The following MCF2L2 variants were observed in gnomAD, a reference collection of about 807,000 sequenced individuals.
MCF2L2 encodes probable guanine nucleotide exchange factor MCF2L2.
A neutral mutation model predicts 150.2 loss-of-function variants in MCF2L2; 102 were observed. That is an observed-to-expected ratio of 0.68 (90% CI 0.58 to 0.80). The LOEUF (loss-of-function observed/expected upper bound fraction) is 0.80, where lower values mean the gene tolerates loss of function less well. MCF2L2 is among the 30% of genes least tolerant of loss of function. The pLI, the probability that MCF2L2 is intolerant of heterozygous loss-of-function variation, is 0.00. For missense variants in MCF2L2, 1,256 were observed against 1,372.8 expected (o/e 0.91, Z 1.34); for synonymous variants, 465 against 491.3 (o/e 0.95, Z 0.71).
chr3:183,416,426 C>T (rs1466414316), intron 1 of MCF2L2, among the ~76,000 whole-genome samples: 1 of 152,130 alleles, frequency 6.6e-6, no homozygotes, highest in Non-Finnish European at 1.5e-5. Flanking sequence ...CTCCCCTGTG[C>T]TCTTGTTAAA....
chr3:183,273,878 A>AT lies in MCF2L2; in HGVS notation c.1862+2993dup, dbSNP rs550001032. Among the ~76,000 whole-genome samples, 819 of 152,262 alleles carry AT rather than the reference A, an allele frequency of 5.4e-3. 3 individuals are homozygous for AT. The highest frequency in any genetic ancestry group is 8.0e-3 in the Admixed American group (122 of 15,292). ...TAGGCTATTCCATCTAGGTTCTCGT[A>AT]TGTATAACCTGGGATGTTTGCACAT... On this transcript the variant is annotated intron_variant, in intron 15 of 29. Transcript: ENST00000328913.
chr3:183,377,304 G>C (rs1713247266), intron 3 of MCF2L2: 1 of 152,104 alleles, frequency 6.6e-6, no homozygotes, highest in Admixed American at 6.6e-5. Context: ...TTGGTTTTCT[G>C]TTCCTGTGTT....
intron 27 of MCF2L2, among the ~76,000 whole-genome samples, chr3:183,187,359 T>C (rs1328079562): frequency 6.6e-6 from 1 of 152,222 alleles, no homozygotes; most frequent in Non-Finnish European, 1.5e-5. Context: ...GTCTTTCACA[T>C]GGCCAGAACT....
rs1303543112 is a variant in MCF2L2 at position 183,295,289 on chromosome 3, A to C, written c.1675+11T>G. 4 of 1,593,382 alleles carry C rather than the reference A, an allele frequency of 2.5e-6. No individual in the cohort carries two copies. The highest frequency in any genetic ancestry group is 1.9e-5 in the Admixed American group (1 of 53,812). On this transcript the variant is annotated intron_variant, in intron 13 of 29. Transcript: ENST00000328913. ...AAAAGCCACAAAGCTTCTTTTCCTC[A>C]AATAACCTACCCGAGGTGGAGGGCT...
intron 3 of MCF2L2, among the ~76,000 whole-genome samples, chr3:183,351,598 T>C (rs1711506429): frequency 1.3e-5 from 2 of 152,120 alleles, no homozygotes; most frequent in Admixed American, 1.3e-4. Flanking sequence ...CAAGCACTAA[T>C]ATGATTGTCA....
intron 5 of MCF2L2, among the ~76,000 whole-genome samples, chr3:183,330,986 C>T (rs1388465097): frequency 6.6e-6 from 1 of 152,070 alleles, no homozygotes; most frequent in Non-Finnish European, 1.5e-5. Context: ...CACCCCCACC[C>T]CAGGGCTAAC....
intron 3 of MCF2L2, among the ~76,000 whole-genome samples, chr3:183,365,466 T>C (rs1272008810): frequency 6.6e-6 from 1 of 152,218 alleles, no homozygotes; most frequent in African/African-American, 2.4e-5. Context: ...TAAAAGTTTG[T>C]TGCTCATTTA....
intron 21 of MCF2L2, among the ~76,000 whole-genome samples, chr3:183,216,570 ATATATATATAT>A (rs1560347232): frequency 3.7e-5 from 1 of 26,976 alleles, no homozygotes; most frequent in African/African-American, 3.1e-4. Flanking sequence ...ATATATATAT[ATATATATATAT>A]TTTTTTTTTT....
intron 27 of MCF2L2, among the ~76,000 whole-genome samples, chr3:183,187,052 C>G (rs1168461543): frequency 1.3e-5 from 2 of 152,096 alleles, no homozygotes; most frequent in African/African-American, 4.8e-5. Flanking sequence ...TGTAAAATAA[C>G]CCACCATCTC....
intron 2 of MCF2L2, among the ~76,000 whole-genome samples, chr3:183,381,143 G>C (rs533207871): frequency 6.6e-6 from 1 of 152,300 alleles, no homozygotes; most frequent in East Asian, 1.9e-4. Context: ...TCCTTGAAGA[G>C]AAACCACTTG....
In MCF2L2 at chr3:183,305,457, C is replaced by T. The variant is rs1729050614; in HGVS notation, c.1113+4259G>A. Among the ~76,000 whole-genome samples, 1 of 152,048 alleles carries T rather than the reference C, an allele frequency of 6.6e-6. No homozygotes were observed. The highest frequency in any genetic ancestry group is 1.5e-5 in the Non-Finnish European group (1 of 68,030). On this transcript the variant is annotated intron_variant, in intron 10 of 29. Coordinates refer to ENST00000328913, the MANE Select transcript of MCF2L2 (RefSeq NM_015078.4). This position sits in a 1 kb window ranked among gnomAD's most constrained non-coding sequence, Gnocchi z 4.1. Reference sequence around the variant, plus strand: ...CAGAGCCTGCCCTTCCCTCAGCATACAGTATTTCACCCTTCAGAATTTTCC... The same window carrying T: ...CAGAGCCTGCCCTTCCCTCAGCATATAGTATTTCACCCTTCAGAATTTTCC...
chr3:183,193,145 C>G (rs184418549), intron 26 of MCF2L2, 49 bp from the exon 27 acceptor site: 15 of 1,456,458 alleles, frequency 1.0e-5, no homozygotes, highest in Non-Finnish European at 1.4e-5. Context: ...GAATGACACA[C>G]GCATCCCTCC....
At position 183,276,935 on chromosome 3, in the gene MCF2L2, T is replaced by C. The variant is rs1577015533; in HGVS notation, c.1799A>G (p.His600Arg). The C allele has an allele frequency of 1.2e-6, 2 of 1,609,464 alleles. No homozygotes were observed. Among genetic ancestry groups the C allele is most frequent in the Non-Finnish European group, 1.7e-6 (2 of 1,177,566 alleles). The change falls in exon 15 of 30, where the codon CAT becomes CGT. Residue 600 changes from histidine (H) to arginine (R), a missense_variant. His to Arg is a conservative substitution (Grantham distance 29). Transcript: ENST00000328913. ...EVKSEEIFES[H>R]HERGNPELEQ... Reference sequence around the variant, plus strand: ...CAGCTCAGGGTTCCCCCTTTCATGATGGCTTTCAAAGATTTCTTCACTCTG... The same window carrying C: ...CAGCTCAGGGTTCCCCCTTTCATGACGGCTTTCAAAGATTTCTTCACTCTG...
In MCF2L2 at chr3:183,271,151, A is replaced by AGGT. The variant is rs1349423364; in HGVS notation, c.1862+5718_1862+5720dup. ...ATTTCAAAGAATTTGTATTTAGAAA[A>AGGT]GGTTTATATTATTAGTGAAAACAAA... On this transcript the variant is annotated intron_variant, in intron 15 of 29. Coordinates refer to ENST00000328913, the MANE Select transcript of MCF2L2 (RefSeq NM_015078.4). The AGGT allele has an allele frequency of 9.3e-6, 4 of 431,110 alleles. No homozygotes were observed. In the East Asian group the frequency reaches 1.6e-4, roughly 17 times the overall value. The allele number at this position is 431,110 out of a possible 1,614,324, so 26.7% of individuals were successfully genotyped here.
intron 15 of MCF2L2, among the ~76,000 whole-genome samples, chr3:183,264,141 AC>A (rs1026386639): frequency 1.8e-4 from 27 of 151,982 alleles, no homozygotes; most frequent in African/African-American, 4.3e-4. Flanking sequence ...TGCTTTCTGT[AC>A]CCCCCTAAGA....
At chr3:183,222,729 T>C (rs1723192718) in intron 20 of MCF2L2, among the ~76,000 whole-genome samples, 1 of 152,130 alleles carries the variant, frequency 6.6e-6, no homozygotes, top group Non-Finnish European at 1.5e-5. Flanking sequence ...GGCCCAAACC[T>C]TTCTCTCAAG....
At chr3:183,316,733 T>G (rs377663293) in intron 7 of MCF2L2, among the ~76,000 whole-genome samples, 10 of 151,812 alleles carry the variant, frequency 6.6e-5, no homozygotes, top group African/African-American at 2.4e-4. Context: ...TGAGATGGAG[T>G]CTCGCTCTGT....
At chr3:183,311,983 C>A (rs1468377151) in intron 7 of MCF2L2, among the ~76,000 whole-genome samples, 1 of 151,996 alleles carries the variant, frequency 6.6e-6, no homozygotes, top group African/African-American at 2.4e-5. Flanking sequence ...GGGTATACAT[C>A]AAAAAAAGTA....
intron 5 of MCF2L2, among the ~76,000 whole-genome samples, chr3:183,337,079 C>A (rs1730512741): frequency 6.6e-6 from 1 of 152,042 alleles, no homozygotes; most frequent in East Asian, 1.9e-4. Context: ...TGAAATGTAT[C>A]CATGTTGTTG....
Sources: gnomAD v4.1 joint callset for allele counts (sites outside exome capture counted in the v4.1 genomes callset) on GRCh38, gnomAD v4.1.1 for gene constraint, Gnocchi (gnomAD v3.1) non-coding constraint, MANE v1.5 for transcripts, NCBI Gene and HGNC (gene_info 2026-07-23, HGNC 2026-07-21) for gene names.